Variants in KIF13B observed in about 807,000 individuals in gnomAD.
KIF13B encodes the protein kinesin-like protein KIF13B.
KIF13B carries 127 observed loss-of-function variants against 222.0 expected under a neutral mutation model. The observed-to-expected ratio is 0.57, with a 90% CI of 0.50 to 0.66. KIF13B has a LOEUF of 0.66. KIF13B is among the 30% of genes least tolerant of loss of function. KIF13B has a pLI of 0.00. For missense variants in KIF13B, 2,173 were observed against 2,379.0 expected, an observed-to-expected ratio of 0.91 and a Z score of 1.80; for synonymous variants, 976 against 919.0, an observed-to-expected ratio of 1.06 and a Z score of -1.12.
intron 5 of KIF13B, among the ~76,000 whole-genome samples, chr8:29,188,258 A>C (rs1180907458): frequency 6.6e-6 from 1 of 152,266 alleles, no homozygotes; most frequent in Non-Finnish European, 1.5e-5. Context: ...TGTGTTCAAC[A>C]GTCATAGCTC....
intron 10 of KIF13B, among the ~76,000 whole-genome samples, chr8:29,175,007 T>C (rs965073438): frequency 6.6e-6 from 1 of 152,326 alleles, no homozygotes; most frequent in Non-Finnish European, 1.5e-5. Context: ...TGAACTCATC[T>C]TAGTATTTTC....
rs1168703065 is a variant in KIF13B, at chr8:29,068,414, C to T, written c.*2090G>A. 3 of 152,354 alleles carry T rather than the reference C, an allele frequency of 2.0e-5. No individual in the cohort carries two copies. Among genetic ancestry groups the T allele is most frequent in the Admixed American group, 6.5e-5 (1 of 15,288 alleles). 9.4% of individuals were successfully genotyped at this position (152,354 alleles called of 1,614,324 possible). On this transcript the variant is annotated 3_prime_UTR_variant, in exon 40 of 40. Coordinates refer to ENST00000524189, the MANE Select transcript of KIF13B (RefSeq NM_015254.4). The surrounding 1 kb of genome is among the most constrained non-coding windows in gnomAD (Gnocchi z 4.4). ...CACATCCCTCTTTCCCAGCCACAAG[C>T]TGACATTAGTCCGCACCGAGAAGCA... is the stretch of plus-strand genomic sequence containing the variant.
intron 14 of KIF13B, among the ~76,000 whole-genome samples, chr8:29,154,231 C>A (rs568745536): frequency 1.1e-4 from 17 of 152,204 alleles, no homozygotes; most frequent in African/African-American, 4.1e-4. Flanking sequence ...GTGGGAGGAT[C>A]ATTTGAGCTC....
rs775917766 is a variant in KIF13B at position 29,181,949 on chromosome 8, T to A, written c.555A>T (p.Gly185=). Residue 185 remains glycine (G), a synonymous_variant, in exon 7 of 40, where the codon GGA becomes GGT. Transcript: ENST00000524189. ...AGCTTGTGACAGCCAGTTTAGAAAG[T>A]CCGTCGACATAAGGTCCCAACACAC... ...EHSVLGPYVD[G]LSKLAVTSYK... The A allele has an allele frequency of 1.4e-5, 22 of 1,613,576 alleles. No homozygotes were observed. In the East Asian group the frequency reaches 4.7e-4, roughly 34 times the overall value.
chr8:29,124,154 T>C (rs1240791018), intron 26 of KIF13B, 31 bp from the exon 27 acceptor site: 1 of 1,291,672 alleles, frequency 7.7e-7, no homozygotes, highest in Non-Finnish European at 1.1e-6. Context: ...TCATATTCAA[T>C]GTAATGTCAA....
chr8:29,103,798 C>T (rs1271144095), intron 35 of KIF13B, among the ~76,000 whole-genome samples: 1 of 152,110 alleles, frequency 6.6e-6, no homozygotes, highest in Non-Finnish European at 1.5e-5. Flanking sequence ...TCGCCTCCCA[C>T]GTCCTCACTA....
intron 35 of KIF13B, 76 bp from the exon 36 acceptor site, chr8:29,099,317 G>T (rs988443635): frequency 1.1e-6 from 1 of 943,770 alleles, no homozygotes; most frequent in Non-Finnish European, 1.6e-6. Flanking sequence ...AGATACTCAA[G>T]AAAAAAAACT....
At chr8:29,149,084 A>G (rs994306892) in intron 15 of KIF13B, among the ~76,000 whole-genome samples, 13 of 152,200 alleles carry the variant, frequency 8.5e-5, no homozygotes, top group African/African-American at 3.1e-4. Flanking sequence ...CTTCACGGAT[A>G]AGGAGAAAGC....
chr8:29,101,293 G>A (rs1222375925), intron 35 of KIF13B, among the ~76,000 whole-genome samples: 2 of 152,112 alleles, frequency 1.3e-5, no homozygotes, highest in African/African-American at 4.8e-5. Flanking sequence ...TGTGTACAGT[G>A]GCGAGCTCAC....
intron 36 of KIF13B, among the ~76,000 whole-genome samples, chr8:29,098,826 TGAG>T (rs1808661787): frequency 6.6e-6 from 1 of 151,810 alleles, no homozygotes; most frequent in Non-Finnish European, 1.5e-5. Context: ...GACATGAAGA[TGAG>T]AAGATAAAAC....
intron 2 of KIF13B, among the ~76,000 whole-genome samples, chr8:29,210,547 A>G (rs1814173715): frequency 6.6e-6 from 1 of 152,140 alleles, no homozygotes; most frequent in Admixed American, 6.5e-5. Context: ...TTTTTCGTTT[A>G]GTTTGATAGA....
At position 29,070,861 on chromosome 8, in the gene KIF13B, G is replaced by A; in HGVS notation, c.5219-95C>T. 1 of 1,342,272 alleles carries A rather than the reference G, an allele frequency of 7.5e-7. No homozygotes were observed. Among genetic ancestry groups the A allele is most frequent in the Non-Finnish European group, 1.0e-6 (1 of 968,256 alleles). 83.1% of individuals were successfully genotyped at this position (1,342,272 alleles called of 1,614,324 possible). Reference sequence around the variant, plus strand: ...TCTGCAGAGGCCATGTGCCCACACTGCCACCCCCCCGCACAGGCCCTACAC... The same window carrying A: ...TCTGCAGAGGCCATGTGCCCACACTACCACCCCCCCGCACAGGCCCTACAC... On this transcript the variant is annotated intron_variant, in intron 39 of 39. Coordinates refer to ENST00000524189, the MANE Select transcript of KIF13B (RefSeq NM_015254.4). The surrounding 1 kb of genome is among the most constrained non-coding windows in gnomAD (Gnocchi z 4.1).
At chr8:29,161,467 G>A (rs1811770334) in intron 12 of KIF13B, among the ~76,000 whole-genome samples, 1 of 152,172 alleles carries the variant, frequency 6.6e-6, no homozygotes. Context: ...CACTGTGGGA[G>A]GCCAAGGCAG....
intron 35 of KIF13B, among the ~76,000 whole-genome samples, chr8:29,103,740 T>C (rs1377493503): frequency 6.6e-6 from 1 of 152,140 alleles, no homozygotes; most frequent in Non-Finnish European, 1.5e-5. Context: ...TTCCAAGTAT[T>C]ATTAGACCAA....
chr8:29,232,007 A>G (rs899310970), intron 2 of KIF13B, among the ~76,000 whole-genome samples: 8 of 152,142 alleles, frequency 5.3e-5, no homozygotes, highest in African/African-American at 1.9e-4. Flanking sequence ...TACAATCTCA[A>G]CACTTGGGAG....
chr8:29,215,070 C>T (rs898243160), intron 2 of KIF13B, among the ~76,000 whole-genome samples: 10 of 152,092 alleles, frequency 6.6e-5, no homozygotes, highest in Admixed American at 6.6e-5. Flanking sequence ...CCTGTTGCTC[C>T]GGTGGCTCCA....
At position 29,263,045 on chromosome 8, in the gene KIF13B, C is replaced by T; in HGVS notation, c.-11G>A. The T allele has an allele frequency of 6.3e-7, 1 of 1,590,306 alleles. No homozygotes were observed. Among genetic ancestry groups the T allele is most frequent in the South Asian group, 1.2e-5 (1 of 86,856 alleles). Reference sequence around the variant, plus strand: ...TTTGGAGTCCCCCATCCTGCAGCCGCCGAGGAACTCGTTCGGCTTCCGTCT... The same window carrying T: ...TTTGGAGTCCCCCATCCTGCAGCCGTCGAGGAACTCGTTCGGCTTCCGTCT... On this transcript the variant is annotated 5_prime_UTR_variant, in exon 1 of 40. Transcript: ENST00000524189.
In KIF13B at chr8:29,133,658, G is replaced by T. The variant is rs150572259; in HGVS notation, c.2784+382C>A. ...GATAACTACGGTGGAGGATCCAAAT[G>T]AAGGAATAACAAAGAGCTTTACAGA... On this transcript the variant is annotated intron_variant, in intron 22 of 39. Transcript: ENST00000524189. 2.8e-4 allele frequency among the ~76,000 whole-genome samples: 42 copies of T among 152,228 alleles called. 3 individuals carry two copies. The highest frequency in any genetic ancestry group is 9.9e-4 in the African/African-American group (41 of 41,562).
At chr8:29,136,352 G>A (rs1810553405) in intron 21 of KIF13B, among the ~76,000 whole-genome samples, 1 of 152,156 alleles carries the variant, frequency 6.6e-6, no homozygotes, top group Non-Finnish European at 1.5e-5. Context: ...GCCAAGGTGG[G>A]CGGATCACCT....
Sources: allele counts gnomAD v4.1 joint callset (sites outside exome capture counted in the v4.1 genomes callset), GRCh38; gene constraint gnomAD v4.1.1; non-coding constraint Gnocchi (gnomAD v3.1); transcripts MANE v1.5; gene names NCBI Gene and HGNC (gene_info 2026-07-23, HGNC 2026-07-21).